GLB1: variants seen among roughly 807,000 people sequenced by gnomAD.
The protein encoded by GLB1 is beta-galactosidase.
In GLB1, 56 loss-of-function variants were observed where a neutral mutation model predicts 74.0. The ratio of observed to expected loss-of-function variants is 0.76; its 90% CI spans 0.61 to 0.94. The LOEUF (loss-of-function observed/expected upper bound fraction) is 0.94, where lower values mean the gene tolerates loss of function less well. Among genes scored for constraint, GLB1 ranks in the 40% least tolerant of loss-of-function variants. The pLI is 0.00. For missense variants in GLB1, 787 were observed against 845.5 expected, an observed-to-expected ratio of 0.93 and a Z score of 0.86; for synonymous variants, 323 against 323.6, an observed-to-expected ratio of 1.00 and a Z score of 0.02.
At chr3:33,081,369 C>T (rs921193843) in intron 1 of GLB1, among the ~76,000 whole-genome samples, 17 of 152,276 alleles carry the variant, frequency 1.1e-4, no homozygotes, top group Admixed American at 4.6e-4. Flanking sequence ...AGTCCCTATG[C>T]TGTTGGGAGG....
intron 5 of GLB1, among the ~76,000 whole-genome samples, chr3:33,058,484 C>T (rs1281195611): frequency 6.6e-6 from 1 of 152,064 alleles, no homozygotes; most frequent in Non-Finnish European, 1.5e-5. Flanking sequence ...CCTCTCCCAC[C>T]ACTGAGAAAT....
chr3:33,041,106 A>C (rs1362156453), intron 10 of GLB1, among the ~76,000 whole-genome samples: 1 of 152,224 alleles, frequency 6.6e-6, no homozygotes, highest in Non-Finnish European at 1.5e-5. Flanking sequence ...ATAATGGCAT[A>C]AACTTTTTAG....
At chr3:33,001,104 TAC>T in intron 15 of GLB1, among the ~76,000 whole-genome samples, 1 of 152,078 alleles carries the variant, frequency 6.6e-6, no homozygotes, top group South Asian at 2.1e-4. Context: ...CACTCTCCAC[TAC>T]TTCTTGTTCT....
At chr3:33,078,380 T>A (rs1293664626) in intron 1 of GLB1, among the ~76,000 whole-genome samples, 2 of 152,228 alleles carry the variant, frequency 1.3e-5, no homozygotes, top group South Asian at 4.1e-4. Context: ...GTGTGAAGGA[T>A]TGGGCATATT....
In GLB1 at chr3:33,023,399, C is replaced by T. The variant is rs76137677; in HGVS notation, c.1143+852G>A. 0.023 allele frequency among the ~76,000 whole-genome samples: 3,540 copies of T among 152,224 alleles called. 560 individuals carry two copies. The East Asian group carries it at 0.43, about 18-fold the overall frequency. On this transcript the variant is annotated intron_variant, in intron 11 of 15. Transcript: ENST00000307363. ...TGTAGAATGTAGCACAGGTATCTGA[C>T]ACTAGGTGGAAAATGTTATAAGAAC...
chr3:33,028,066 A>AATTTTT (rs934224274), intron 10 of GLB1, among the ~76,000 whole-genome samples: 1 of 151,736 alleles, frequency 6.6e-6, no homozygotes, highest in African/African-American at 2.4e-5. Flanking sequence ...ATGACCTGCT[A>AATTTTT]ATTTTTATTT....
chr3:33,018,344 G>A (rs1697325988), intron 13 of GLB1, 104 bp downstream of exon 13: 3 of 865,958 alleles, frequency 3.5e-6, no homozygotes, highest in Non-Finnish European at 5.6e-6. Flanking sequence ...TAGAGCCTGA[G>A]GCTGAAAAGG....
chr3:33,057,972 A>C, intron 6 of GLB1, 117 bp downstream of exon 6: 3 of 1,373,818 alleles, frequency 2.2e-6, no homozygotes, highest in Non-Finnish European at 3.0e-6. Flanking sequence ...TCCTTGAAAA[A>C]TGAAAACATG....
chr3:33,014,012 A>G (rs775205691), intron 15 of GLB1, 44 bp downstream of exon 15: 51 of 1,613,898 alleles, frequency 3.2e-5, no homozygotes, highest in Non-Finnish European at 3.0e-5. Flanking sequence ...CTAACAACCA[A>G]AAGTTTAGGC....
At chr3:33,065,640 G>A in intron 4 of GLB1, 83 bp from the exon 5 acceptor site, 1 of 1,471,372 alleles carries the variant, frequency 6.8e-7, no homozygotes, top group South Asian at 1.2e-5. Flanking sequence ...TTTGAATGTG[G>A]CCCAACACAA....
chr3:32,979,844 C>G, the GLB1 span, among the ~76,000 whole-genome samples: 1 of 137,356 alleles, frequency 7.3e-6, no homozygotes, highest in African/African-American at 2.8e-5. Flanking sequence ...AGAGTGAGAC[C>G]CTGTCTCAAA....
chr3:33,092,749 G>T, intron 1 of GLB1: 4 of 1,514,554 alleles, frequency 2.6e-6, no homozygotes, highest in Non-Finnish European at 3.5e-6. Flanking sequence ...GGCAAGGCTG[G>T]AGGGGAAAAG....
At chr3:32,971,323 A>T in the GLB1 span, among the ~76,000 whole-genome samples, 1 of 152,220 alleles carries the variant, frequency 6.6e-6, no homozygotes, top group Admixed American at 6.5e-5. Context: ...TGTCAAAAAG[A>T]CTAGAAGGAC....
At chr3:32,961,601 A>C in the GLB1 span, among the ~76,000 whole-genome samples, 1 of 152,232 alleles carries the variant, frequency 6.6e-6, no homozygotes, top group African/African-American at 2.4e-5. Flanking sequence ...AGCCTGGAAA[A>C]CTGCTGCCAT....
chr3:33,064,887 G>A (rs983891568), intron 5 of GLB1, among the ~76,000 whole-genome samples: 2 of 150,562 alleles, frequency 1.3e-5, no homozygotes, highest in African/African-American at 4.9e-5. Context: ...AACTGTTAAA[G>A]TTCAATGTAC....
chr3:32,966,938 C>A, the GLB1 span, among the ~76,000 whole-genome samples: 1 of 152,182 alleles, frequency 6.6e-6, no homozygotes, highest in Non-Finnish European at 1.5e-5. Context: ...CCATGTGGAA[C>A]TGTGAGTCCA....
intron 15 of GLB1, among the ~76,000 whole-genome samples, chr3:33,003,851 G>A (rs1476629132): frequency 6.6e-6 from 1 of 152,242 alleles, no homozygotes; most frequent in Middle Eastern, 3.4e-3. Context: ...CCTACATGGT[G>A]AAACCCCATC....
At chr3:33,001,534 C>T (rs1165535854) in intron 15 of GLB1, among the ~76,000 whole-genome samples, 1 of 152,130 alleles carries the variant, frequency 6.6e-6, no homozygotes, top group Non-Finnish European at 1.5e-5. Flanking sequence ...ACTCACTATC[C>T]TTTCATTTTT....
At chr3:33,016,595 T>C in intron 14 of GLB1, 114 bp downstream of exon 14, 1 of 1,568,516 alleles carries the variant, frequency 6.4e-7, no homozygotes, top group South Asian at 1.1e-5. Context: ...CAAGTGATCC[T>C]CCTGCCTTGG....
Sources: allele counts gnomAD v4.1 joint callset (sites outside exome capture counted in the v4.1 genomes callset), GRCh38; gene constraint gnomAD v4.1.1; transcripts MANE v1.5; gene names NCBI Gene and HGNC (gene_info 2026-07-23, HGNC 2026-07-21).